SFI1: variants seen among roughly 807,000 people sequenced by gnomAD.
The protein encoded by SFI1 is SFI1 centrin binding protein, also known as protein SFI1 homolog.
SFI1 carries 195 observed loss-of-function variants against 207.5 expected under a neutral mutation model. The observed-to-expected ratio is 0.94, with a 90% confidence interval of 0.84 to 1.06. SFI1 has a LOEUF of 1.06. Among genes scored for constraint, SFI1 ranks in the 50% least tolerant of loss-of-function variants. SFI1 has a pLI of 0.00. For missense variants in SFI1, 1,634 were observed against 1,588.0 expected, an observed-to-expected ratio of 1.03 and a Z score of -0.49; for synonymous variants, 630 against 598.9, an observed-to-expected ratio of 1.05 and a Z score of -0.76.
intron 14 of SFI1, among the ~76,000 whole-genome samples, chr22:31,585,757 G>C (rs1361548830): frequency 1.3e-5 from 2 of 152,092 alleles, no homozygotes; most frequent in East Asian, 3.9e-4. Flanking sequence ...CTACCAATTG[G>C]GAGTACCTGT....
At chr22:31,614,539 C>T (rs373215127) in intron 27 of SFI1, 4 of 676,600 alleles carry the variant, frequency 5.9e-6, no homozygotes, top group Admixed American at 2.0e-5. Context: ...GACCTGTACA[C>T]CAGCGTCACC....
intron 9 of SFI1, 132 bp from the exon 10 acceptor site, chr22:31,575,092 GTGTGTGT>G: frequency 4.9e-6 from 1 of 205,468 alleles, no homozygotes; most frequent in Non-Finnish European, 7.4e-6. Flanking sequence ...GTGCGTGTGT[GTGTGTGT>G]GTGTGTGTGT....
At chr22:31,583,998 C>A in intron 13 of SFI1, 26 bp downstream of exon 13, 1 of 1,556,050 alleles carries the variant, frequency 6.4e-7, no homozygotes, top group Non-Finnish European at 8.9e-7. Flanking sequence ...TCATCCCTGG[C>A]TCTCAGGGAC....
chr22:31,535,866 A>G (rs1434873346), intron 4 of SFI1, among the ~76,000 whole-genome samples: 1 of 152,080 alleles, frequency 6.6e-6, no homozygotes, highest in Non-Finnish European at 1.5e-5. Flanking sequence ...CCTCCCAAGT[A>G]GCTGAGACTG....
chr22:31,595,805 C>A (rs1484310973), intron 15 of SFI1, among the ~76,000 whole-genome samples: 1 of 152,124 alleles, frequency 6.6e-6, no homozygotes, highest in African/African-American at 2.4e-5. Flanking sequence ...TGGGCTGACC[C>A]TATAGATAGA....
At position 31,613,506 on chromosome 22, in the gene SFI1, G is replaced by C. The variant is rs762204541; in HGVS notation, c.2718G>C (p.Gln906His). Residue 906 changes from glutamine to histidine, a missense_variant, in exon 26 of 33, where the codon CAG becomes CAC. Coordinates refer to ENST00000400288, the MANE Select transcript of SFI1 (RefSeq NM_001007467.3). ...CCAGCATGAAGGCCTCCCGGCAGCAGCTGCAGGCCCAGCAGCAGGTCCAGG... is the reference window on the plus strand; with the variant it reads ...CCAGCATGAAGGCCTCCCGGCAGCACCTGCAGGCCCAGCAGCAGGTCCAGG... ...FAASMKASRQQLQAQQQVQAA... is the reference protein window; with the variant it reads ...FAASMKASRQHLQAQQQVQAA... 11 of 1,592,458 alleles carry C rather than the reference G, an allele frequency of 6.9e-6. No individual in the cohort carries two copies. The highest frequency in any genetic ancestry group is 9.4e-6 in the Non-Finnish European group (11 of 1,174,486).
intron 8 of SFI1, 157 bp from the exon 9 acceptor site, chr22:31,572,901 C>A (rs370443385): frequency 8.6e-5 from 55 of 636,482 alleles, no homozygotes; most frequent in East Asian, 8.3e-4. Flanking sequence ...TTTTACCCCA[C>A]GGTCCCATAG....
chr22:31,580,075 C>T, intron 11 of SFI1, 197 bp from the exon 12 acceptor site: 3 of 529,022 alleles, frequency 5.7e-6, no homozygotes, highest in Non-Finnish European at 1.0e-5. Flanking sequence ...TAAGTGCCTG[C>T]TGTGCAGGCT....
intron 13 of SFI1, 141 bp from the exon 14 acceptor site, chr22:31,584,927 T>TA (rs1421975704): frequency 1.9e-6 from 1 of 518,772 alleles, no homozygotes; most frequent in Non-Finnish European, 3.4e-6. Context: ...ATCAGGTTCT[T>TA]ATTGCCGTCT....
At chr22:31,593,137 C>A (rs1233930043) in intron 15 of SFI1, among the ~76,000 whole-genome samples, 1 of 142,134 alleles carries the variant, frequency 7.0e-6, no homozygotes, top group Non-Finnish European at 1.6e-5. Flanking sequence ...GGGGGCTGAC[C>A]CCCCCCCACC....
chr22:31,497,644 A>C (rs1044942162), intron 1 of SFI1, among the ~76,000 whole-genome samples: 1 of 152,078 alleles, frequency 6.6e-6, no homozygotes, highest in African/African-American at 2.4e-5. Context: ...CATGTCTCTC[A>C]CTTTATATCA....
At chr22:31,611,359 G>T in intron 23 of SFI1, 56 bp downstream of exon 23, 1 of 1,523,192 alleles carries the variant, frequency 6.6e-7, no homozygotes, top group Non-Finnish European at 8.8e-7. Context: ...GGGGTGTCCA[G>T]GCCAGGAGAC....
chr22:31,613,415 G>C lies in SFI1; in HGVS notation c.2627G>C (p.Trp876Ser), dbSNP rs922056567. 25 of 1,610,436 alleles carry C rather than the reference G, an allele frequency of 1.6e-5. No individual in the cohort carries two copies. Among genetic ancestry groups the C allele is most frequent in the Non-Finnish European group, 2.1e-5 (25 of 1,179,778 alleles). Residue 876 changes from tryptophan to serine, a missense_variant, in exon 26 of 33, where the codon TGG becomes TCG. Coordinates refer to ENST00000400288, the MANE Select transcript of SFI1 (RefSeq NM_001007467.3). ...AGGAGAAAGAAGGCGCGGCTGCAGT[G>C]GGCGCTCCAGGCCTACCAGGGGCAG... is the stretch of plus-strand genomic sequence containing the variant. ...ERRRKKARLQ[W>S]ALQAYQGQLL... is the part of the protein sequence containing the mutation.
At chr22:31,530,489 CAAAA>C (rs3069094) in intron 3 of SFI1, 422 of 113,784 alleles carry the variant, frequency 3.7e-3, no homozygotes, top group African/African-American at 7.9e-3. Flanking sequence ...AACTCTGTCT[CAAAA>C]AAAAAAAAAA....
intron 5 of SFI1, among the ~76,000 whole-genome samples, chr22:31,549,042 C>T (rs1050123555): frequency 6.6e-6 from 1 of 151,830 alleles, no homozygotes; most frequent in African/African-American, 2.4e-5. Flanking sequence ...AATCCTAGCA[C>T]TTTGGGAGGC....
chr22:31,615,200 C>G lies in SFI1; in HGVS notation c.3221C>G (p.Pro1074Arg). 5 of 1,582,112 alleles carry G rather than the reference C, an allele frequency of 3.2e-6. No homozygotes were observed. Among genetic ancestry groups the G allele is most frequent in the Non-Finnish European group, 4.3e-6 (5 of 1,168,046 alleles). ...LSSAPGPKQP[P>R]TASTGPELLL... ...AGCGCCCCTGGCCCGAAGCAGCCCC[C>G]GACGGCAAGCACAGGCCCGGAGCTG... Residue 1074 changes from proline (P) to arginine (R), a missense_variant, in exon 29 of 33, where the codon CCG (proline) becomes CGG (arginine). Pro to Arg is a moderately radical substitution (Grantham distance 103). Transcript: ENST00000400288.
In SFI1 at chr22:31,611,060, C is replaced by T; in HGVS notation, c.2255-83C>T. ...CTGAACTCTATCCCTGCACAGCCAT[C>T]TCTGCTGTCTGCACCTTCACCATTA... On this transcript the variant is annotated intron_variant, in intron 22 of 32. Transcript: ENST00000400288. 6.3e-6 allele frequency: 10 copies of T among 1,577,142 alleles called. 1 individual carries two copies. Among genetic ancestry groups the T allele is most frequent in the Non-Finnish European group, 8.7e-6 (10 of 1,148,210 alleles).
In SFI1 at chr22:31,546,847, T is replaced by C; in HGVS notation, c.339-14T>C. ...ACATCATCATATATATATATGATTTTTTTTTTGCCGTAGATTTTACTATGA... is the reference window on the plus strand; with the variant it reads ...ACATCATCATATATATATATGATTTCTTTTTTGCCGTAGATTTTACTATGA... On this transcript the variant is annotated splice_polypyrimidine_tract_variant and intron_variant, in intron 4 of 32. Transcript: ENST00000400288. 2.0e-6 allele frequency: 3 copies of C among 1,525,190 alleles called. No homozygotes were observed. Among genetic ancestry groups the C allele is most frequent in the Non-Finnish European group, 2.7e-6 (3 of 1,109,528 alleles). 94.5% of individuals were successfully genotyped at this position (1,525,190 alleles called of 1,614,324 possible). A position where few individuals can be genotyped will look rare whatever the true frequency, so the allele number is the denominator to read the frequency against.
chr22:31,603,885 G>C (rs1270864657), intron 18 of SFI1, 66 bp downstream of exon 18: 1 of 1,458,362 alleles, frequency 6.9e-7, no homozygotes, highest in Non-Finnish European at 9.2e-7. Context: ...GTGTCAGCAG[G>C]ACTCACAGGC....
Sources: gnomAD v4.1 joint callset for allele counts (sites outside exome capture counted in the v4.1 genomes callset) on GRCh38, gnomAD v4.1.1 for gene constraint, MANE v1.5 for transcripts, NCBI Gene and HGNC (gene_info 2026-07-23, HGNC 2026-07-21) for gene names.